The following STARD6 variants were observed in gnomAD, a reference collection of about 807,000 sequenced individuals.
The protein encoded by STARD6 is stAR-related lipid transfer protein 6.
STARD6 carries 21 observed loss-of-function variants against 22.3 expected under a neutral mutation model. The ratio of observed to expected loss-of-function variants is 0.94; its 90% confidence interval spans 0.67 to 1.35. STARD6 has a LOEUF of 1.35. Among genes scored for constraint, STARD6 ranks in the 40% most tolerant of loss-of-function variants. The pLI, the probability that STARD6 is intolerant of heterozygous loss-of-function variation, is 0.00. For missense variants in STARD6, 269 were observed against 266.9 expected, an observed-to-expected ratio of 1.01 and a Z score of -0.05; for synonymous variants, 80 against 88.1, an observed-to-expected ratio of 0.91 and a Z score of 0.52.
intron 7 of STARD6, among the ~76,000 whole-genome samples, chr18:54,327,358 T>A (rs1222189549): frequency 1.3e-5 from 2 of 152,156 alleles, no homozygotes; most frequent in East Asian, 1.9e-4. Context: ...TTTAAACACA[T>A]GTCATTTTTA....
intron 5 of STARD6, 61 bp from the exon 6 acceptor site, chr18:54,331,920 T>C (rs767770612): frequency 4.1e-6 from 5 of 1,232,804 alleles, no homozygotes; most frequent in Non-Finnish European, 5.8e-6. Flanking sequence ...TTTGTATTGT[T>C]TCCCCCCCAA....
chr18:54,333,552 G>C (rs942693887), intron 5 of STARD6, among the ~76,000 whole-genome samples: 8 of 152,166 alleles, frequency 5.3e-5, no homozygotes, highest in Admixed American at 2.0e-4. Flanking sequence ...GATGCCCAGT[G>C]GTTCTCAAAC....
intron 4 of STARD6, among the ~76,000 whole-genome samples, chr18:54,348,038 T>C (rs1458390901): frequency 2.0e-5 from 3 of 152,120 alleles, no homozygotes; most frequent in African/African-American, 7.2e-5. Flanking sequence ...CACTTGTCTC[T>C]CAATTCTCTC....
intron 4 of STARD6, among the ~76,000 whole-genome samples, chr18:54,341,534 A>G (rs892899752): frequency 7.9e-5 from 12 of 152,246 alleles, no homozygotes; most frequent in African/African-American, 1.2e-4. Flanking sequence ...TTCAGGCAAT[A>G]AAACAAGTCT....
intron 5 of STARD6, among the ~76,000 whole-genome samples, chr18:54,336,405 A>G (rs2088913068): frequency 6.6e-6 from 1 of 152,076 alleles, no homozygotes; most frequent in Admixed American, 6.5e-5. Context: ...TGCCCAGTGA[A>G]GAAGGTGCCT....
chr18:54,336,171 TTC>T (rs1249321503), intron 5 of STARD6, among the ~76,000 whole-genome samples: 1 of 152,228 alleles, frequency 6.6e-6, no homozygotes, highest in Non-Finnish European at 1.5e-5. Flanking sequence ...TTTGTTTTTA[TTC>T]TCTCTCTTTA....
chr18:54,343,933 G>A (rs1217855549), intron 4 of STARD6, among the ~76,000 whole-genome samples: 2 of 44,100 alleles, frequency 4.5e-5, no homozygotes, highest in Non-Finnish European at 7.6e-5. Context: ...CAGCCGCCCC[G>A]TCCGCGAGGG....
At chr18:54,327,008 A>G (rs534873292) in intron 7 of STARD6, among the ~76,000 whole-genome samples, 4 of 152,296 alleles carry the variant, frequency 2.6e-5, no homozygotes, top group Admixed American at 2.0e-4. Context: ...GCTATTACCT[A>G]TATGTAACCT....
At chr18:54,343,678 G>C (rs1437100311) in intron 4 of STARD6, among the ~76,000 whole-genome samples, 1 of 37,424 alleles carries the variant, frequency 2.7e-5, no homozygotes, top group Non-Finnish European at 5.2e-5. Context: ...AGGTGGGGGG[G>C]TCGGCCCCCC....
At chr18:54,337,306 A>T (rs1447992045) in intron 4 of STARD6, 55 bp from the exon 5 acceptor site, 21 of 1,529,622 alleles carry the variant, frequency 1.4e-5, no homozygotes, top group Non-Finnish European at 1.9e-5. Context: ...GTCTAAGCTG[A>T]AAATATAATA....
chr18:54,335,149 C>T (rs991742368), intron 5 of STARD6, among the ~76,000 whole-genome samples: 9 of 151,496 alleles, frequency 5.9e-5, no homozygotes, highest in African/African-American at 2.2e-4. Context: ...GAGAATCATC[C>T]CCCCATCCCT....
chr18:54,331,160 G>A (rs2088861700), intron 6 of STARD6, among the ~76,000 whole-genome samples: 1 of 152,054 alleles, frequency 6.6e-6, no homozygotes, highest in African/African-American at 2.4e-5. Context: ...TTCACCATGA[G>A]TTATCTTAAG....
chr18:54,346,362 C>G (rs983821443), intron 4 of STARD6, among the ~76,000 whole-genome samples: 1 of 151,956 alleles, frequency 6.6e-6, no homozygotes, highest in Non-Finnish European at 1.5e-5. Context: ...AATGAGATAC[C>G]ACTACATACC....
chr18:54,328,964 T>G (rs770241166), intron 7 of STARD6, among the ~76,000 whole-genome samples: 1 of 152,160 alleles, frequency 6.6e-6, no homozygotes, highest in Non-Finnish European at 1.5e-5. Context: ...AAGTAAAACA[T>G]TCATTACTGA....
intron 4 of STARD6, among the ~76,000 whole-genome samples, chr18:54,345,190 G>GTT (rs1406464923): frequency 6.6e-6 from 1 of 151,924 alleles, no homozygotes; most frequent in Non-Finnish European, 1.5e-5. Context: ...AAAGCTTCAG[G>GTT]ATACAAGATC....
intron 2 of STARD6, among the ~76,000 whole-genome samples, chr18:54,355,180 C>T (rs1286990360): frequency 2.6e-5 from 4 of 152,088 alleles, no homozygotes; most frequent in Non-Finnish European, 2.9e-5. Flanking sequence ...CCTGGCTGTT[C>T]CTCACATACA....
chr18:54,351,591 A>G (rs1417644948), intron 4 of STARD6, among the ~76,000 whole-genome samples: 1 of 152,120 alleles, frequency 6.6e-6, no homozygotes, highest in East Asian at 1.9e-4. Context: ...TTTGTTATAG[A>G]TGGCTTTTAC....
chr18:54,328,957 TA>T (rs2144665409), intron 7 of STARD6, among the ~76,000 whole-genome samples: 1 of 152,284 alleles, frequency 6.6e-6, no homozygotes, highest in South Asian at 2.1e-4. Context: ...TCATTCAAAG[TA>T]AAACATTCAT....
rs374101401 is a variant in STARD6 at position 54,347,013 on chromosome 18, A to G, written c.140+7041T>C. Among the ~76,000 whole-genome samples the G allele has an allele frequency of 1.3e-3, 203 of 152,196 alleles. 2 individuals are homozygous for G. The highest frequency in any genetic ancestry group is 4.8e-3 in the African/African-American group (199 of 41,568). On this transcript the variant is annotated intron_variant, in intron 4 of 7. Transcript: ENST00000307844. Reference sequence around the variant, plus strand: ...GTACAACTCTGTATATATACTAACAATCACTGAGTTGTACACTTAAAGTAG... The same window carrying G: ...GTACAACTCTGTATATATACTAACAGTCACTGAGTTGTACACTTAAAGTAG...
Sources: allele counts gnomAD v4.1 joint callset (sites outside exome capture counted in the v4.1 genomes callset), GRCh38; gene constraint gnomAD v4.1.1; transcripts MANE v1.5; gene names NCBI Gene and HGNC (gene_info 2026-07-23, HGNC 2026-07-21).